Variants in SIPA1L2 observed in about 807,000 individuals in gnomAD.
The protein encoded by SIPA1L2 is signal-induced proliferation-associated 1-like protein 2.
SIPA1L2 carries 56 observed loss-of-function variants against 163.9 expected under a neutral mutation model. That is an observed-to-expected ratio of 0.34 (90% CI 0.28 to 0.43). SIPA1L2 has a LOEUF of 0.43. Ranked by LOEUF, SIPA1L2 falls within the 20% of genes least tolerant of loss-of-function variation. The pLI is 1.00. For missense variants in SIPA1L2, 1,974 were observed against 2,193.5 expected (o/e 0.90, Z 2.00); for synonymous variants, 877 against 865.7 (o/e 1.01, Z -0.23).
chr1:232,576,701 G>A (rs746850060), intron 1 of SIPA1L2, among the ~76,000 whole-genome samples: 13 of 152,296 alleles, frequency 8.5e-5, no homozygotes, highest in African/African-American at 9.6e-5. Context: ...CAGCCAAGTC[G>A]CGAATACAAA....
intron 7 of SIPA1L2, among the ~76,000 whole-genome samples, chr1:232,474,682 A>G (rs751231070): frequency 6.6e-6 from 1 of 152,208 alleles, no homozygotes; most frequent in African/African-American, 2.4e-5. Flanking sequence ...GATGTGATCA[A>G]TACACATTGT....
chr1:232,569,681 C>T (rs773905482), intron 2 of SIPA1L2, among the ~76,000 whole-genome samples: 3 of 152,102 alleles, frequency 2.0e-5, no homozygotes, highest in Non-Finnish European at 4.4e-5. Context: ...GGCGTGGTGG[C>T]GCATGCCTGT....
chr1:232,522,089 C>T (rs1240231490), intron 2 of SIPA1L2, among the ~76,000 whole-genome samples: 4 of 152,174 alleles, frequency 2.6e-5, no homozygotes, highest in African/African-American at 9.7e-5. Context: ...GCCCATTTTA[C>T]CTTCCAAATA....
At chr1:232,446,755 T>A (rs970881998) in intron 10 of SIPA1L2, among the ~76,000 whole-genome samples, 12 of 152,234 alleles carry the variant, frequency 7.9e-5, no homozygotes, top group African/African-American at 2.7e-4. Context: ...AAAACTTCAA[T>A]GTCTCCTTAA....
chr1:232,554,542 G>A (rs1056901661), intron 2 of SIPA1L2, among the ~76,000 whole-genome samples: 1 of 152,126 alleles, frequency 6.6e-6, no homozygotes, highest in African/African-American at 2.4e-5. Context: ...AGGATACCAT[G>A]TAGATTTCCC....
At chr1:232,416,391 G>A (rs1472963315) in intron 18 of SIPA1L2, among the ~76,000 whole-genome samples, 1 of 152,234 alleles carries the variant, frequency 6.6e-6, no homozygotes, top group Non-Finnish European at 1.5e-5. Flanking sequence ...GGGATGGCAG[G>A]AAGATTAGAA....
chr1:232,422,375 A>G (rs1366340367), intron 18 of SIPA1L2, among the ~76,000 whole-genome samples: 2 of 152,236 alleles, frequency 1.3e-5, no homozygotes, highest in Non-Finnish European at 2.9e-5. Context: ...CAAGAGAAGA[A>G]AGATTGAGAC....
chr1:232,417,671 C>A (rs764116368), intron 18 of SIPA1L2, among the ~76,000 whole-genome samples: 1 of 152,054 alleles, frequency 6.6e-6, no homozygotes. Context: ...AAGAAAGACC[C>A]TCAAGCAGAA....
At chr1:232,488,159 G>A (rs1381671947) in intron 5 of SIPA1L2, among the ~76,000 whole-genome samples, 1 of 152,074 alleles carries the variant, frequency 6.6e-6, no homozygotes, top group African/African-American at 2.4e-5. Flanking sequence ...CACCATGCTG[G>A]CCAGGCTGGT....
chr1:232,566,201 GTCTCAGCC>G (rs2102761492), intron 2 of SIPA1L2, among the ~76,000 whole-genome samples: 1 of 152,276 alleles, frequency 6.6e-6, no homozygotes, highest in African/African-American at 2.4e-5. Flanking sequence ...TTGAAATGGA[GTCTCAGCC>G]TCTCAGCCTC....
At chr1:232,488,477 G>A (rs1665759821) in intron 5 of SIPA1L2, among the ~76,000 whole-genome samples, 1 of 152,178 alleles carries the variant, frequency 6.6e-6, no homozygotes, top group Admixed American at 6.5e-5. Flanking sequence ...TTTTAAAGAT[G>A]AACATAAACA....
At position 232,404,190 on chromosome 1, in the gene SIPA1L2, T is replaced by A; in HGVS notation, c.4763-12A>T. On this transcript the variant is annotated splice_polypyrimidine_tract_variant and intron_variant, in intron 19 of 22. Coordinates refer to ENST00000674635, the MANE Select transcript of SIPA1L2 (RefSeq NM_020808.5). ...ATCTGAGTCAAGACCTGAAATAAGA[T>A]TTAGAATTTTCCTATGAACAGGAGT... 6.2e-7 allele frequency: 1 copy of A among 1,613,604 alleles called. No homozygotes were observed. The highest frequency in any genetic ancestry group is 8.5e-7 in the Non-Finnish European group (1 of 1,179,766).
chr1:232,483,879 G>A lies in SIPA1L2; in HGVS notation c.1894C>T (p.Pro632Ser). 1 of 1,614,020 alleles carries A rather than the reference G, an allele frequency of 6.2e-7. No homozygotes were observed. Among genetic ancestry groups the A allele is most frequent in the Non-Finnish European group, 8.5e-7 (1 of 1,179,940 alleles). Residue 632 changes from proline (P) to serine (S), a missense_variant, in exon 6 of 23, where the codon CCA (proline) becomes TCA (serine). Coordinates refer to ENST00000674635, the MANE Select transcript of SIPA1L2 (RefSeq NM_020808.5). Reference protein sequence around the residue: ...EEMYNNETAGPAFEEFLDLLG... With the variant: ...EEMYNNETAGSAFEEFLDLLG... ...AGATCAAGGAATTCTTCAAAAGCTGGTCCCGCCGTCTCATTGTTATACATC... is the reference window on the plus strand; with the variant it reads ...AGATCAAGGAATTCTTCAAAAGCTGATCCCGCCGTCTCATTGTTATACATC...
intron 6 of SIPA1L2, among the ~76,000 whole-genome samples, chr1:232,480,247 A>AATGAAAT (rs1355366750): frequency 6.6e-6 from 1 of 151,994 alleles, no homozygotes; most frequent in Non-Finnish European, 1.5e-5. Flanking sequence ...AACCCAGAAA[A>AATGAAAT]ATGAAATAGG....
At chr1:232,624,273 C>G (rs570189067) in intron 1 of SIPA1L2, among the ~76,000 whole-genome samples, 1 of 152,338 alleles carries the variant, frequency 6.6e-6, no homozygotes, top group Admixed American at 6.5e-5. Flanking sequence ...AAACAGGTAG[C>G]ATTTGCCCTG....
chr1:232,415,747 C>A, intron 18 of SIPA1L2, 122 bp from the exon 19 acceptor site: 1 of 1,342,414 alleles, frequency 7.4e-7, no homozygotes, highest in Non-Finnish European at 1.0e-6. Context: ...ACGGGCACCA[C>A]TGCCCCCTCC....
intron 2 of SIPA1L2, among the ~76,000 whole-genome samples, chr1:232,561,282 A>G (rs1377574922): frequency 6.6e-6 from 1 of 152,248 alleles, no homozygotes; most frequent in Non-Finnish European, 1.5e-5. Context: ...AGTTTCAGGT[A>G]AAGTTTCAGG....
intron 2 of SIPA1L2, among the ~76,000 whole-genome samples, chr1:232,544,174 T>A (rs1657871382): frequency 2.6e-5 from 4 of 152,028 alleles, no homozygotes; most frequent in Admixed American, 2.6e-4. Flanking sequence ...TTGAAATGCA[T>A]GGAATAAGCA....
intron 2 of SIPA1L2, among the ~76,000 whole-genome samples, chr1:232,526,347 A>AT (rs1247340932): frequency 9.1e-6 from 1 of 109,422 alleles, no homozygotes; most frequent in Non-Finnish European, 1.8e-5. Context: ...GGTCCCCAAC[A>AT]TTTTTGGCAC....
Sources: gnomAD v4.1 joint callset for allele counts (sites outside exome capture counted in the v4.1 genomes callset) on GRCh38, gnomAD v4.1.1 for gene constraint, MANE v1.5 for transcripts, NCBI Gene and HGNC (gene_info 2026-07-23, HGNC 2026-07-21) for gene names.